The following CDH18 variants were observed in gnomAD, a reference collection of about 807,000 sequenced individuals.
CDH18 encodes the protein cadherin-18.
A neutral mutation model predicts 67.9 loss-of-function variants in CDH18; 31 were observed. The observed-to-expected ratio is 0.46, with a 90% CI of 0.34 to 0.62. The LOEUF (loss-of-function observed/expected upper bound fraction) is 0.62. Among genes scored for constraint, CDH18 ranks in the 20% least tolerant of loss-of-function variants. The pLI, the probability that CDH18 is intolerant of heterozygous loss-of-function variation, is 0.01. For missense variants in CDH18, 890 were observed against 975.5 expected (o/e 0.91, Z 1.17); for synonymous variants, 362 against 347.2 (o/e 1.04, Z -0.48).
At chr5:20,376,107 T>TTTTTTTTTTTTTTTTTTTTTTTTTTG (rs1318320616) in intron 1 of CDH18, among the ~76,000 whole-genome samples, 2 of 112,942 alleles carry the variant, frequency 1.8e-5, no homozygotes, top group African/African-American at 6.1e-5. Context: ...TTTTTTTTTT[T>TTTTTTTTTTTTTTTTTTTTTTTTTTG]TTTTGAGACG....
chr5:20,052,896 T>C (rs1224470273), intron 2 of CDH18, among the ~76,000 whole-genome samples: 1 of 152,086 alleles, frequency 6.6e-6, no homozygotes, highest in African/African-American at 2.4e-5. Context: ...ACTTCAACAA[T>C]CACATATGAT....
chr5:20,150,704 C>T (rs528515667), intron 2 of CDH18, among the ~76,000 whole-genome samples: 1 of 151,992 alleles, frequency 6.6e-6, no homozygotes, highest in South Asian at 2.1e-4. Flanking sequence ...GAATAGCTGC[C>T]TATTGCAAAG....
chr5:19,937,510 T>A (rs1468882110), intron 2 of CDH18, among the ~76,000 whole-genome samples: 1 of 151,474 alleles, frequency 6.6e-6, no homozygotes, highest in Non-Finnish European at 1.5e-5. Flanking sequence ...AATTTTTCAA[T>A]TAGTTTTGAT....
intron 2 of CDH18, among the ~76,000 whole-genome samples, chr5:20,051,926 T>G (rs1384296031): frequency 6.6e-6 from 1 of 152,004 alleles, no homozygotes; most frequent in Non-Finnish European, 1.5e-5. Context: ...GATGAGAGAT[T>G]CCAGATATTA....
At chr5:19,600,332 G>A (rs1005719317) in intron 6 of CDH18, among the ~76,000 whole-genome samples, 4 of 151,530 alleles carry the variant, frequency 2.6e-5, no homozygotes, top group African/African-American at 7.3e-5. Context: ...ATCTACCCTA[G>A]AACTTAAAAG....
At chr5:19,748,360 A>T (rs1445120606) in intron 3 of CDH18, among the ~76,000 whole-genome samples, 2 of 152,092 alleles carry the variant, frequency 1.3e-5, no homozygotes, top group Non-Finnish European at 2.9e-5. Flanking sequence ...TAAGAAAAAT[A>T]CCTAAAATAT....
intron 2 of CDH18, among the ~76,000 whole-genome samples, chr5:20,045,128 G>A (rs1365558631): frequency 2.6e-5 from 4 of 152,016 alleles, no homozygotes; most frequent in South Asian, 4.2e-4. Context: ...TTCTCTGTTC[G>A]GTCTGTGACC....
chr5:19,584,504 T>C (rs1309158635), intron 7 of CDH18, among the ~76,000 whole-genome samples: 2 of 152,146 alleles, frequency 1.3e-5, no homozygotes, highest in East Asian at 1.9e-4. Flanking sequence ...CACTCAGGTA[T>C]ACAGGTTTTT....
chr5:20,379,342 G>C (rs1580865170), intron 1 of CDH18, among the ~76,000 whole-genome samples: 1 of 152,148 alleles, frequency 6.6e-6, no homozygotes, highest in East Asian at 1.9e-4. Context: ...GCCATACTTA[G>C]GCCATTTTAC....
intron 1 of CDH18, among the ~76,000 whole-genome samples, chr5:20,306,582 TA>T (rs1459874361): frequency 1.1e-4 from 17 of 152,212 alleles, no homozygotes. Context: ...GATACTTGAA[TA>T]AATTGAAATT....
At chr5:19,862,300 G>C (rs1784988306) in intron 2 of CDH18, among the ~76,000 whole-genome samples, 1 of 152,088 alleles carries the variant, frequency 6.6e-6, no homozygotes, top group Non-Finnish European at 1.5e-5. Flanking sequence ...GTTCTGTCAG[G>C]TATCTCACAA....
At chr5:20,531,821 G>A (rs571950675) in intron 1 of CDH18, among the ~76,000 whole-genome samples, 16 of 152,028 alleles carry the variant, frequency 1.1e-4, no homozygotes, top group African/African-American at 2.7e-4. Flanking sequence ...GTAGATAGCC[G>A]CAGCAAACCA....
chr5:20,459,337 G>A (rs1014574754), intron 1 of CDH18, among the ~76,000 whole-genome samples: 3 of 152,156 alleles, frequency 2.0e-5, no homozygotes, highest in South Asian at 2.1e-4. Flanking sequence ...TGAGAGTGAC[G>A]TATTTGTAAT....
intron 2 of CDH18, among the ~76,000 whole-genome samples, chr5:19,863,964 G>C (rs1327992552): frequency 6.6e-6 from 1 of 151,946 alleles, no homozygotes. Flanking sequence ...GTGGAAGTCA[G>C]TGTGGTGATT....
intron 3 of CDH18, among the ~76,000 whole-genome samples, chr5:19,836,257 T>G (rs1781615344): frequency 6.6e-6 from 1 of 152,302 alleles, no homozygotes; most frequent in East Asian, 1.9e-4. Context: ...AAAAGGATTT[T>G]GATTGAACTA....
intron 1 of CDH18, among the ~76,000 whole-genome samples, chr5:20,501,578 ATATTATATATATATAT>A (rs1754307855): frequency 1.5e-3 from 19 of 12,418 alleles, no homozygotes; most frequent in East Asian, 9.6e-3. Context: ...TAATATATAT[ATATTATATATATATAT>A]TATATATATA....
intron 1 of CDH18, among the ~76,000 whole-genome samples, chr5:20,372,813 G>T (rs369586822): frequency 5.3e-5 from 8 of 152,196 alleles, no homozygotes; most frequent in Non-Finnish European, 8.8e-5. Context: ...CAATGTTCAA[G>T]CAAGTCATCA....
chr5:19,557,536 G>A (rs1361413501), intron 8 of CDH18, among the ~76,000 whole-genome samples: 1 of 151,930 alleles, frequency 6.6e-6, no homozygotes, highest in East Asian at 1.9e-4. Flanking sequence ...AAAAAAGACA[G>A]AGGGACTTTA....
intron 2 of CDH18, among the ~76,000 whole-genome samples, chr5:20,183,401 C>A (rs1271220845): frequency 3.3e-5 from 5 of 151,846 alleles, no homozygotes; most frequent in African/African-American, 9.7e-5. Context: ...AATAATTCAA[C>A]TTGACTAATA....
Sources: allele counts gnomAD v4.1 joint callset (sites outside exome capture counted in the v4.1 genomes callset), GRCh38; gene constraint gnomAD v4.1.1; transcripts MANE v1.5; gene names NCBI Gene and HGNC (gene_info 2026-07-23, HGNC 2026-07-21).